ODAM: variants seen among roughly 807,000 people sequenced by gnomAD.
ODAM encodes odontogenic, ameloblast associated, also known as odontogenic ameloblast-associated protein.
Under a neutral mutation model 48.5 loss-of-function variants are expected in ODAM, and 55 were observed. That is an observed-to-expected ratio of 1.13 (90% CI 0.91 to 1.42). The LOEUF (loss-of-function observed/expected upper bound fraction) is 1.42. Among genes scored for constraint, ODAM ranks in the 40% most tolerant of loss-of-function variants. The pLI is 0.00. For missense variants in ODAM, 353 were observed against 323.6 expected (o/e 1.09, Z -0.70); for synonymous variants, 127 against 107.8 (o/e 1.18, Z -1.10).
In ODAM at chr4:70,198,023, G is replaced by A; in HGVS notation, c.241G>A (p.Asp81Asn). ...CTCCCAGTTCTCTTTATCAGCTCTA[G>A]ACCAGTTTGCTGGACTGCTCCCAAA... ...GLSQFSLSAL[D>N]QFAGLLPNQI... Residue 81 changes from aspartate to asparagine, a missense_variant, in exon 5 of 12, where the codon GAC (aspartate) becomes AAC (asparagine). Transcript: ENST00000683306. 1.2e-6 allele frequency: 2 copies of A among 1,613,244 alleles called. No homozygotes were observed. The highest frequency in any genetic ancestry group is 1.1e-5 in the South Asian group (1 of 91,064).
At chr4:70,196,767 T>A (rs750444449) in intron 3 of ODAM, 34 bp downstream of exon 3, 2 of 1,537,370 alleles carry the variant, frequency 1.3e-6, no homozygotes, top group Non-Finnish European at 1.8e-6. Context: ...TCTCCTCCTT[T>A]TTTTAATGGA....
At chr4:70,196,267 A>T (rs1729359975) in intron 1 of ODAM, among the ~76,000 whole-genome samples, 1 of 152,084 alleles carries the variant, frequency 6.6e-6, no homozygotes, top group South Asian at 2.1e-4. Context: ...ATTCAACCAC[A>T]TCATATGTCT....
At position 70,201,450 on chromosome 4, in the gene ODAM, A is replaced by C. The variant is rs755205092; in HGVS notation, c.529-4A>C. 1 of 1,466,100 alleles carries C rather than the reference A, an allele frequency of 6.8e-7. No homozygotes were observed. The highest frequency in any genetic ancestry group is 9.5e-7 in the Non-Finnish European group (1 of 1,055,038). 90.8% of individuals were successfully genotyped at this position (1,466,100 alleles called of 1,614,324 possible). On this transcript the variant is annotated splice_region_variant and splice_polypyrimidine_tract_variant and intron_variant, in intron 7 of 11. Coordinates refer to ENST00000683306, the MANE Select transcript of ODAM (RefSeq NM_017855.4). The stretch of plus-strand genomic sequence containing the variant: ...TATAATACATTTTTTAAAAAATCTG[A>C]CAGATACCATTCTATGCTCAATTTG...
chr4:70,199,910 CATATAAGTAGAAGGCAATGAT>C (rs1475822826), intron 6 of ODAM, among the ~76,000 whole-genome samples: 1 of 151,806 alleles, frequency 6.6e-6, no homozygotes, highest in Non-Finnish European at 1.5e-5. Context: ...CAGACACAGA[CATATAAGTAGAAGGCAATGAT>C]AATATAAATG....
At position 70,196,552 on chromosome 4, in the gene ODAM, T is replaced by C. The variant is rs375016898; in HGVS notation, c.9T>C (p.Ile3=). The part of the protein sequence containing the change: MK[I]IILLGFLGAT... ...AGATATATCATACGAAAATGAAAAT[T>C]ATAATTCTTCTTGGATTCCTGGGAG... The change falls in exon 2 of 12, where the codon ATT becomes ATC. Residue 3 remains isoleucine, a synonymous_variant. Coordinates refer to ENST00000683306, the MANE Select transcript of ODAM (RefSeq NM_017855.4). 230 of 1,584,620 alleles carry C rather than the reference T, an allele frequency of 1.5e-4. No individual in the cohort carries two copies. The highest frequency in any genetic ancestry group is 2.7e-4 in the Admixed American group (16 of 59,036).
chr4:70,203,126 A>G, intron 10 of ODAM, 30 bp from the exon 11 acceptor site: 2 of 1,549,618 alleles, frequency 1.3e-6, no homozygotes, highest in Non-Finnish European at 1.8e-6. Context: ...ATTTAATAAC[A>G]GTTTCTTATG....
chr4:70,201,359 A>G (rs1578238363), intron 7 of ODAM, 95 bp from the exon 8 acceptor site: 2 of 608,044 alleles, frequency 3.3e-6, no homozygotes, highest in South Asian at 2.1e-5. Context: ...TTTAACTTAT[A>G]TAAAAAGATA....
At chr4:70,196,926 ATTG>A (rs1729378171) in intron 3 of ODAM, among the ~76,000 whole-genome samples, 193 bp downstream of exon 3, 1 of 151,930 alleles carries the variant, frequency 6.6e-6, no homozygotes, top group Non-Finnish European at 1.5e-5. Context: ...CCCTTGATTG[ATTG>A]TTAATTCTTC....
intron 10 of ODAM, 116 bp downstream of exon 10, chr4:70,203,033 G>T: frequency 7.6e-7 from 1 of 1,307,500 alleles, no homozygotes; most frequent in Non-Finnish European, 1.1e-6. Context: ...GATAACTAAT[G>T]AAAAATATGT....
rs772957913 is a variant in ODAM, at chr4:70,197,923, G to A, written c.142-1G>A. On this transcript the variant is annotated splice_acceptor_variant, in intron 4 of 11. Transcript: ENST00000683306. LOFTEE classifies it high-confidence loss of function. The stretch of plus-strand genomic sequence containing the variant: ...GCTTTCTTTCCTTTGTGTCTTTTTA[G>A]GGCCCACTTAATTCATGGATTCCAC... The A allele has an allele frequency of 3.7e-6, 6 of 1,611,016 alleles. No homozygotes were observed. Among genetic ancestry groups the A allele is most frequent in the Non-Finnish European group, 3.4e-6 (4 of 1,178,098 alleles).
chr4:70,198,191 G>A, intron 5 of ODAM, 34 bp downstream of exon 5: 2 of 1,529,296 alleles, frequency 1.3e-6, no homozygotes, highest in South Asian at 1.1e-5. Context: ...GTTCTGAGGA[G>A]AGAGAACTGC....
chr4:70,201,512 G>A lies in ODAM; in HGVS notation c.576+11G>A, dbSNP rs1259476411. Reference sequence around the variant, plus strand: ...CAACTAGCAGAACCTGTAAGTAAATGCATATTTTTCATTAAAAATATTTTG... The same window carrying A: ...CAACTAGCAGAACCTGTAAGTAAATACATATTTTTCATTAAAAATATTTTG... On this transcript the variant is annotated intron_variant, in intron 8 of 11. Coordinates refer to ENST00000683306, the MANE Select transcript of ODAM (RefSeq NM_017855.4). The A allele has an allele frequency of 4.3e-6, 6 of 1,407,716 alleles. No individual in the cohort carries two copies. The South Asian group carries it at 5.9e-5, about 14-fold the overall frequency. 87.2% of individuals were successfully genotyped at this position (1,407,716 alleles called of 1,614,324 possible).
chr4:70,201,433 A>AT (rs1179771420), intron 7 of ODAM, 21 bp from the exon 8 acceptor site: 4 of 1,318,524 alleles, frequency 3.0e-6, no homozygotes, highest in African/African-American at 1.5e-5. Context: ...AATATAATAC[A>AT]TTTTTTAAAA....
At chr4:70,197,367 G>T in intron 4 of ODAM, 46 bp downstream of exon 4, 1 of 973,244 alleles carries the variant, frequency 1.0e-6, no homozygotes, top group Non-Finnish European at 1.6e-6. Context: ...TTTACCTATT[G>T]CTCATTTATG....
At position 70,196,624 on chromosome 4, in the gene ODAM, A is replaced by G. The variant is rs748345678; in HGVS notation, c.51+30A>G. The G allele has an allele frequency of 1.0e-5, 16 of 1,590,506 alleles. No individual in the cohort carries two copies. In the East Asian group the frequency reaches 3.6e-4, roughly 36 times the overall value. ...GTGATTTTATGGCACTACTAGTCCC[A>G]CTGTGTTAAACCTTCAACAATCCCT... On this transcript the variant is annotated intron_variant, in intron 2 of 11. Coordinates refer to ENST00000683306, the MANE Select transcript of ODAM (RefSeq NM_017855.4).
Position 70,201,351 on chromosome 4 carries a change from T to C in ODAM, c.529-103T>C. The stretch of plus-strand genomic sequence containing the variant: ...AACATATAAACTTTAAAAATGCTTT[T>C]AACTTATATAAAAAGATATATAAGT... On this transcript the variant is annotated intron_variant, in intron 7 of 11. Coordinates refer to ENST00000683306, the MANE Select transcript of ODAM (RefSeq NM_017855.4). The C allele has an allele frequency of 5.1e-6, 3 of 588,802 alleles. 1 individual carries two copies. The South Asian group carries it at 6.9e-5, about 13-fold the overall frequency. The allele number at this position is 588,802 out of a possible 1,614,324, so 36.5% of individuals were successfully genotyped here. A position where few individuals can be genotyped will look rare whatever the true frequency, so the allele number is the denominator to read the frequency against.
At position 70,203,195 on chromosome 4, in the gene ODAM, C is replaced by T; in HGVS notation, c.*10C>T. 1.3e-6 allele frequency: 2 copies of T among 1,595,082 alleles called. No homozygotes were observed. Among genetic ancestry groups the T allele is most frequent in the East Asian group, 4.5e-5 (2 of 44,612 alleles). On this transcript the variant is annotated 3_prime_UTR_variant, in exon 11 of 12. Coordinates refer to ENST00000683306, the MANE Select transcript of ODAM (RefSeq NM_017855.4). ...CCTAAGGGAACCATAAGAAGTTGCC[C>T]TGATCATTCAGACATTTTGGTAGGT...
rs747508046 is a variant in ODAM at position 70,201,469 on chromosome 4, C to T, written c.544C>T (p.Gln182Ter). ...AATCTGACAGATACCATTCTATGCTCAATTTGGATACATTCCACAACTAGC... is the reference window on the plus strand; with the variant it reads ...AATCTGACAGATACCATTCTATGCTTAATTTGGATACATTCCACAACTAGC... The part of the protein sequence containing the change: ...QYEEQIPFYA[Q>*]FGYIPQLAEP... Residue 182 changes from glutamine (Q) to a stop codon, truncating the protein, a stop_gained, in exon 8 of 12, where the codon CAA (glutamine) becomes TAA (stop). Transcript: ENST00000683306. LOFTEE classifies it high-confidence loss of function. 1.1e-5 allele frequency: 17 copies of T among 1,518,270 alleles called. No individual in the cohort carries two copies. The highest frequency in any genetic ancestry group is 9.2e-5 in the East Asian group (4 of 43,580). 94.0% of individuals were successfully genotyped at this position (1,518,270 alleles called of 1,614,324 possible). A position where few individuals can be genotyped will look rare whatever the true frequency, so the allele number is the denominator to read the frequency against.
Position 70,198,018 on chromosome 4 carries a change from C to T in ODAM, c.236C>T (p.Ala79Val), listed in dbSNP as rs755410154. ...GGACTCTCCCAGTTCTCTTTATCAG[C>T]TCTAGACCAGTTTGCTGGACTGCTC... ...IPGLSQFSLS[A>V]LDQFAGLLPN... Residue 79 changes from alanine to valine, a missense_variant, in exon 5 of 12, where the codon GCT (alanine) becomes GTT (valine). Coordinates refer to ENST00000683306, the MANE Select transcript of ODAM (RefSeq NM_017855.4). The T allele has an allele frequency of 3.1e-6, 5 of 1,613,256 alleles. No homozygotes were observed. The Admixed American group carries it at 6.7e-5, about 22-fold the overall frequency.
Sources: allele counts gnomAD v4.1 joint callset (sites outside exome capture counted in the v4.1 genomes callset), GRCh38; gene constraint gnomAD v4.1.1; transcripts MANE v1.5; gene names NCBI Gene and HGNC (gene_info 2026-07-23, HGNC 2026-07-21).